USP20: variants seen among roughly 807,000 people sequenced by gnomAD.
USP20 encodes ubiquitin carboxyl-terminal hydrolase 20.
In USP20, 80 loss-of-function variants were observed where a neutral mutation model predicts 124.2. The observed-to-expected ratio is 0.64, with a 90% confidence interval of 0.54 to 0.78. The LOEUF (loss-of-function observed/expected upper bound fraction) is 0.78, where lower values mean the gene tolerates loss of function less well. Among genes scored for constraint, USP20 ranks in the 30% least tolerant of loss-of-function variants. The pLI is 0.00. For missense variants in USP20, 1,043 were observed against 1,244.4 expected, an observed-to-expected ratio of 0.84 and a Z score of 2.44; for synonymous variants, 481 against 512.3, an observed-to-expected ratio of 0.94 and a Z score of 0.83.
intron 15 of USP20, 121 bp from the exon 16 acceptor site, chr9:129,873,361 C>T (rs1234205757): frequency 1.6e-5 from 20 of 1,258,284 alleles, no homozygotes; most frequent in Non-Finnish European, 2.1e-5. Flanking sequence ...TAGGATTACA[C>T]GCATGAGCCA....
intron 10 of USP20, among the ~76,000 whole-genome samples, chr9:129,866,228 C>CCTT (rs3054867): frequency 0.88 from 133,079 of 151,780 alleles, 58,736 homozygotes; most frequent in East Asian, 1. Context: ...CTTCCGCCCT[C>CCTT]TACCCCCTGC....
At chr9:129,853,508 G>A (rs2033045790) in intron 3 of USP20, among the ~76,000 whole-genome samples, 1 of 152,222 alleles carries the variant, frequency 6.6e-6, no homozygotes, top group African/African-American at 2.4e-5. Context: ...CATGGGCAGA[G>A]CTGCATGCAG....
chr9:129,870,652 A>T, intron 15 of USP20, 105 bp downstream of exon 15: 1 of 1,286,210 alleles, frequency 7.8e-7, no homozygotes, highest in African/African-American at 1.5e-5. Context: ...TGGGATGCAC[A>T]GCCAGGCTAG....
At position 129,856,257 on chromosome 9, in the gene USP20, G is replaced by T. The variant is rs371369574; in HGVS notation, c.82-50G>T. Reference sequence around the variant, plus strand: ...AGGAGCAGTCTCAGTGCTCAGCCCCGCAACGGGCTCCTCATGCCTGCTCTT... The same window carrying T: ...AGGAGCAGTCTCAGTGCTCAGCCCCTCAACGGGCTCCTCATGCCTGCTCTT... On this transcript the variant is annotated intron_variant, in intron 3 of 25. Coordinates refer to ENST00000372429, the MANE Select transcript of USP20 (RefSeq NM_001110303.4). 4 of 1,584,630 alleles carry T rather than the reference G, an allele frequency of 2.5e-6. No homozygotes were observed. The Admixed American group carries it at 6.7e-5, about 26-fold the overall frequency.
chr9:129,855,110 C>T (rs890735130), intron 3 of USP20, among the ~76,000 whole-genome samples: 4 of 152,266 alleles, frequency 2.6e-5, no homozygotes, highest in African/African-American at 4.8e-5. Context: ...GCTACAGAGA[C>T]TGGAGGGGAT....
chr9:129,846,111 A>G (rs550983901), intron 1 of USP20, among the ~76,000 whole-genome samples: 62 of 150,536 alleles, frequency 4.1e-4, no homozygotes, highest in African/African-American at 1.5e-3. Context: ...ATTTTCTTTT[A>G]GTAGAGACGG....
At position 129,879,581 on chromosome 9, in the gene USP20, G is replaced by A. The variant is rs753881618; in HGVS notation, c.2521G>A (p.Gly841Arg). The change falls in exon 24 of 26, where the codon GGG (glycine) becomes AGG (arginine). Residue 841 changes from glycine (G) to arginine (R), a missense_variant. Transcript: ENST00000372429. The surrounding 1 kb of genome is among the most constrained non-coding windows in gnomAD (Gnocchi z 4.2). Reference protein sequence around the residue: ...FVKGKDNEPPGPIDNSRIAQV... With the variant: ...FVKGKDNEPPRPIDNSRIAQV... Reference sequence around the variant, plus strand: ...CGCTGTGTCTGTTGCAGAGCCCCCCGGGCCCATTGACAACAGCAGGATTGC... The same window carrying A: ...CGCTGTGTCTGTTGCAGAGCCCCCCAGGCCCATTGACAACAGCAGGATTGC... 2.1e-5 allele frequency: 34 copies of A among 1,613,488 alleles called. No individual in the cohort carries two copies. Among genetic ancestry groups the A allele is most frequent in the Middle Eastern group, 1.6e-4 (1 of 6,080 alleles).
chr9:129,869,144 G>A (rs2033986189), intron 12 of USP20, 142 bp downstream of exon 12: 2 of 1,394,148 alleles, frequency 1.4e-6, no homozygotes, highest in Admixed American at 4.7e-5. Context: ...CAGTGTGGGA[G>A]CCACGTTTTG....
chr9:129,868,569 A>G, intron 11 of USP20, 120 bp downstream of exon 11: 1 of 1,444,102 alleles, frequency 6.9e-7, no homozygotes, highest in East Asian at 2.5e-5. Flanking sequence ...CCCGAATGAC[A>G]GTGGGGAAGT....
chr9:129,854,277 A>G (rs897561824), intron 3 of USP20, among the ~76,000 whole-genome samples: 5 of 152,234 alleles, frequency 3.3e-5, no homozygotes, highest in African/African-American at 1.2e-4. Context: ...TGTAATCACC[A>G]GTTATAAACA....
At chr9:129,855,081 G>T (rs1388205559) in intron 3 of USP20, among the ~76,000 whole-genome samples, 1 of 152,200 alleles carries the variant, frequency 6.6e-6, no homozygotes, top group Non-Finnish European at 1.5e-5. Flanking sequence ...TCAGTGAAAG[G>T]GGGATGTTGC....
In USP20 at chr9:129,879,415, C is replaced by G; in HGVS notation, c.2513-158C>G. 1 of 671,564 alleles carries G rather than the reference C, an allele frequency of 1.5e-6. No homozygotes were observed. The highest frequency in any genetic ancestry group is 1.8e-5 in the South Asian group (1 of 54,816). The allele number at this position is 671,564 out of a possible 1,614,324, so 41.6% of individuals were successfully genotyped here. A position where few individuals can be genotyped will look rare whatever the true frequency, so the allele number is the denominator to read the frequency against. On this transcript the variant is annotated intron_variant, in intron 23 of 25. Coordinates refer to ENST00000372429, the MANE Select transcript of USP20 (RefSeq NM_001110303.4). This position sits in a 1 kb window ranked among gnomAD's most constrained non-coding sequence, Gnocchi z 4.2. Reference sequence around the variant, plus strand: ...AAATTCCCTCTGCTGGGTCCTCAGACTGCCACAGAGGAGCATTGGGTGGCT... The same window carrying G: ...AAATTCCCTCTGCTGGGTCCTCAGAGTGCCACAGAGGAGCATTGGGTGGCT...
intron 1 of USP20, among the ~76,000 whole-genome samples, chr9:129,844,214 TATA>T (rs2032401974): frequency 6.6e-6 from 1 of 152,230 alleles, no homozygotes; most frequent in South Asian, 2.1e-4. Flanking sequence ...TTATATGTGG[TATA>T]ATATTATTCA....
At position 129,868,299 on chromosome 9, in the gene USP20, G is replaced by A. The variant is rs768003414; in HGVS notation, c.985G>A (p.Asp329Asn). Reference sequence around the variant, plus strand: ...CATCTCTGAGAAGGAGCGGATGAAGGACCGCAAGTTCTCCTGGGGCCAGCA... The same window carrying A: ...CATCTCTGAGAAGGAGCGGATGAAGAACCGCAAGTTCTCCTGGGGCCAGCA... Reference protein sequence around the residue: ...RAISEKERMKDRKFSWGQQRT... With the variant: ...RAISEKERMKNRKFSWGQQRT... The change falls in exon 11 of 26, where the codon GAC (aspartate) becomes AAC (asparagine). Residue 329 changes from aspartate (D) to asparagine (N), a missense_variant. Asp to Asn is a conservative substitution (Grantham distance 23). Coordinates refer to ENST00000372429, the MANE Select transcript of USP20 (RefSeq NM_001110303.4). 37 of 1,613,818 alleles carry A rather than the reference G, an allele frequency of 2.3e-5. No homozygotes were observed. The highest frequency in any genetic ancestry group is 3.0e-5 in the Non-Finnish European group (35 of 1,179,974).
At chr9:129,859,907 T>C (rs1359878182) in intron 6 of USP20, among the ~76,000 whole-genome samples, 2 of 152,046 alleles carry the variant, frequency 1.3e-5, no homozygotes, top group African/African-American at 4.8e-5. Flanking sequence ...TGGCGCATGC[T>C]TGTAATCCCA....
intron 6 of USP20, among the ~76,000 whole-genome samples, chr9:129,859,284 A>ATTTTATTTATTTT: frequency 7.2e-6 from 1 of 137,982 alleles, no homozygotes; most frequent in African/African-American, 2.7e-5. Flanking sequence ...ATTTTATTTT[A>ATTTTATTTATTTT]ATTTTTTGAG....
At chr9:129,860,037 A>G (rs2033454396) in intron 6 of USP20, among the ~76,000 whole-genome samples, 1 of 149,886 alleles carries the variant, frequency 6.7e-6, no homozygotes, top group African/African-American at 2.5e-5. Context: ...TCTCTTAAAA[A>G]AAGTCCACAT....
Position 129,876,232 on chromosome 9 carries a change from C to T in USP20, c.2403C>T (p.Phe801=), listed in dbSNP as rs777174383. The part of the protein sequence containing the change: ...AKRRRIEIDT[F]IKLNKAFQAE... ...GCAGGAGGATCGAGATCGACACCTT[C>T]ATCAAGGTGCGTGCGGCGAGGCGGC... Residue 801 remains phenylalanine, a synonymous_variant, in exon 22 of 26, where the codon TTC becomes TTT. Transcript: ENST00000372429. 6.2e-7 allele frequency: 1 copy of T among 1,611,700 alleles called. No individual in the cohort carries two copies. Among genetic ancestry groups the T allele is most frequent in the Non-Finnish European group, 8.5e-7 (1 of 1,179,212 alleles).
At chr9:129,850,758 C>A (rs904017085) in intron 2 of USP20, among the ~76,000 whole-genome samples, 1 of 152,102 alleles carries the variant, frequency 6.6e-6, no homozygotes, top group African/African-American at 2.4e-5. Context: ...TGGGTTCAAG[C>A]GATTCTCCTG....
Sources: gnomAD v4.1 joint callset for allele counts (sites outside exome capture counted in the v4.1 genomes callset) on GRCh38, gnomAD v4.1.1 for gene constraint, Gnocchi (gnomAD v3.1) non-coding constraint, MANE v1.5 for transcripts, NCBI Gene and HGNC (gene_info 2026-07-23, HGNC 2026-07-21) for gene names.